KCNU1: variants seen among roughly 807,000 people sequenced by gnomAD.
KCNU1 encodes the protein potassium channel subfamily U member 1.
Under a neutral mutation model 126.8 loss-of-function variants are expected in KCNU1, and 93 were observed. The ratio of observed to expected loss-of-function variants is 0.73; its 90% confidence interval spans 0.62 to 0.87. The LOEUF (loss-of-function observed/expected upper bound fraction) is 0.87. KCNU1 is among the 40% of genes least tolerant of loss of function. The pLI is 0.00. For missense variants in KCNU1, 1,330 were observed against 1,367.1 expected (o/e 0.97, Z 0.43); for synonymous variants, 523 against 494.2 (o/e 1.06, Z -0.77).
intron 19 of KCNU1, among the ~76,000 whole-genome samples, chr8:36,873,738 C>T (rs898150226): frequency 6.6e-5 from 10 of 152,138 alleles, no homozygotes; most frequent in Admixed American, 1.3e-4. Flanking sequence ...TAAGCACATG[C>T]GCAACGATCA....
At position 36,861,447 on chromosome 8, in the gene KCNU1, T is replaced by C. The variant is rs536961784; in HGVS notation, c.1892-2957T>C. ...CAATCCATGATGTTTTTCTTAGCTA[T>C]AACAATTTTTATGGCATTCTGATCA... is the stretch of plus-strand genomic sequence containing the variant. On this transcript the variant is annotated intron_variant, in intron 18 of 26. Coordinates refer to ENST00000399881, the MANE Select transcript of KCNU1 (RefSeq NM_001031836.3). Among the ~76,000 whole-genome samples the C allele has an allele frequency of 2.0e-5, 3 of 152,322 alleles. No homozygotes were observed. In the South Asian group the frequency reaches 6.2e-4, roughly 32 times the overall value.
At chr8:36,913,934 C>A (rs1260717423) in intron 22 of KCNU1, among the ~76,000 whole-genome samples, 2 of 152,078 alleles carry the variant, frequency 1.3e-5, no homozygotes, top group African/African-American at 2.4e-5. Flanking sequence ...TTTGAGGCAA[C>A]CTGTGAATAG....
chr8:36,866,669 G>A (rs933650271), intron 19 of KCNU1, among the ~76,000 whole-genome samples: 5 of 152,116 alleles, frequency 3.3e-5, no homozygotes, highest in Non-Finnish European at 7.4e-5. Context: ...TACGTGCTAA[G>A]TAGGCACCAT....
At position 36,915,043 on chromosome 8, in the gene KCNU1, G is replaced by A. The variant is rs116067236; in HGVS notation, c.2522-3780G>A. On this transcript the variant is annotated intron_variant, in intron 22 of 26. Transcript: ENST00000399881. ...GAAATTCAGATGCTGTCCTTCAGCC[G>A]GCATCAGAAGCAGATTTTCATACAG... Among the ~76,000 whole-genome samples the A allele has an allele frequency of 7.0e-3, 1,060 of 152,234 alleles. 18 individuals are homozygous for A. The highest frequency in any genetic ancestry group is 0.024 in the African/African-American group (1,004 of 41,540).
At chr8:36,876,303 T>C (rs1409750755) in intron 19 of KCNU1, among the ~76,000 whole-genome samples, 2 of 152,130 alleles carry the variant, frequency 1.3e-5, no homozygotes, top group African/African-American at 4.8e-5. Context: ...TTGGGAAAGA[T>C]TTGGGTGAAT....
chr8:36,924,160 G>T (rs1467926585), intron 24 of KCNU1, among the ~76,000 whole-genome samples: 1 of 152,144 alleles, frequency 6.6e-6, no homozygotes, highest in Non-Finnish European at 1.5e-5. Context: ...TGAATGACTT[G>T]CAAAAACTCT....
chr8:36,866,895 G>A (rs1805930852), intron 19 of KCNU1, among the ~76,000 whole-genome samples: 1 of 152,132 alleles, frequency 6.6e-6, no homozygotes, highest in African/African-American at 2.4e-5. Context: ...TGCAAAGAAA[G>A]GGTTCACCCG....
chr8:36,874,592 C>T (rs538197950), intron 19 of KCNU1, among the ~76,000 whole-genome samples: 5 of 152,094 alleles, frequency 3.3e-5, no homozygotes, highest in Non-Finnish European at 5.9e-5. Context: ...GGCTTCATCC[C>T]ATGAGGAGTG....
chr8:36,827,503 G>C (rs538863487), intron 10 of KCNU1, among the ~76,000 whole-genome samples: 1 of 152,068 alleles, frequency 6.6e-6, no homozygotes, highest in Non-Finnish European at 1.5e-5. Context: ...CCGAGTTATT[G>C]ATTTCTCTCA....
At chr8:36,928,795 A>G in intron 24 of KCNU1, 3 of 508,998 alleles carry the variant, frequency 5.9e-6, no homozygotes, top group Non-Finnish European at 1.0e-5. Context: ...GAAGGAGCAC[A>G]TCATCTTCAG....
At chr8:36,824,982 T>C (rs1304471282) in intron 10 of KCNU1, among the ~76,000 whole-genome samples, 1 of 152,272 alleles carries the variant, frequency 6.6e-6, no homozygotes, top group Middle Eastern at 3.4e-3. Context: ...AAAAATATAA[T>C]TGTAAGGTAA....
chr8:36,862,209 T>C (rs1287015303), intron 18 of KCNU1, among the ~76,000 whole-genome samples: 1 of 152,068 alleles, frequency 6.6e-6, no homozygotes, highest in Non-Finnish European at 1.5e-5. Context: ...AGATAATAGA[T>C]AGATAGAAAA....
chr8:36,928,631 A>C (rs1808603390), intron 24 of KCNU1, among the ~76,000 whole-genome samples: 1 of 152,142 alleles, frequency 6.6e-6, no homozygotes, highest in Admixed American at 6.5e-5. Flanking sequence ...ATTTCTTGTC[A>C]ACTTATCCCA....
chr8:36,845,205 G>A (rs1805098157), intron 16 of KCNU1, among the ~76,000 whole-genome samples: 1 of 152,150 alleles, frequency 6.6e-6, no homozygotes, highest in Non-Finnish European at 1.5e-5. Context: ...CTAGTATGAC[G>A]CTAAGCCTGG....
intron 2 of KCNU1, among the ~76,000 whole-genome samples, chr8:36,802,238 G>A (rs769479411): frequency 6.6e-6 from 1 of 152,028 alleles, no homozygotes; most frequent in Non-Finnish European, 1.5e-5. Context: ...GTAAACTAGG[G>A]TCAATTTGAA....
rs1340034541 is a variant in KCNU1 at position 36,909,337 on chromosome 8, G to A, written c.2133G>A (p.Lys711=). The A allele has an allele frequency of 6.2e-7, 1 of 1,613,452 alleles. No individual in the cohort carries two copies. The highest frequency in any genetic ancestry group is 1.3e-5 in the African/African-American group (1 of 74,900). The change falls in exon 21 of 27, where the codon AAG becomes AAA. Residue 711 remains lysine, a synonymous_variant. Coordinates refer to ENST00000399881, the MANE Select transcript of KCNU1 (RefSeq NM_001031836.3). ...AACGAACTGGCAAGTCAAAGTATAAGTTTCGGAACCATATTGTAGCATGTG... is the reference window on the plus strand; with the variant it reads ...AACGAACTGGCAAGTCAAAGTATAAATTTCGGAACCATATTGTAGCATGTG... The part of the protein sequence containing the change: ...TLKRTGKSKY[K]FRNHIVACVF...
chr8:36,847,312 G>A (rs773049916), intron 18 of KCNU1, among the ~76,000 whole-genome samples: 45 of 151,956 alleles, frequency 3.0e-4, no homozygotes, highest in Non-Finnish European at 6.0e-4. Flanking sequence ...GATCAAATCG[G>A]GGTAATTAGC....
chr8:36,798,462 T>A (rs1803186341), intron 2 of KCNU1, among the ~76,000 whole-genome samples: 2 of 152,210 alleles, frequency 1.3e-5, no homozygotes, highest in Non-Finnish European at 2.9e-5. Flanking sequence ...CTGTAAAGAA[T>A]CTCTATTAAC....
In KCNU1 at chr8:36,936,077, G is replaced by T. The variant is rs924685158; in HGVS notation, c.*157G>T. On this transcript the variant is annotated 3_prime_UTR_variant, in exon 27 of 27. Coordinates refer to ENST00000399881, the MANE Select transcript of KCNU1 (RefSeq NM_001031836.3). ...CCACACTGTTTTGGGTGAGACAAAA[G>T]TCTAATGCCACTGGATCTTGTGTGA... 1.1e-5 allele frequency: 6 copies of T among 562,274 alleles called. No individual in the cohort carries two copies. In the African/African-American group the frequency reaches 1.1e-4, roughly 11 times the overall value. 34.8% of individuals were successfully genotyped at this position (562,274 alleles called of 1,614,324 possible). A position where few individuals can be genotyped will look rare whatever the true frequency, so the allele number is the denominator to read the frequency against.
Sources: allele counts gnomAD v4.1 joint callset (sites outside exome capture counted in the v4.1 genomes callset), GRCh38; gene constraint gnomAD v4.1.1; transcripts MANE v1.5; gene names NCBI Gene and HGNC (gene_info 2026-07-23, HGNC 2026-07-21).